Variants in MUC22 observed in about 807,000 individuals in gnomAD.
The protein encoded by MUC22 is mucin 22.
A neutral mutation model predicts 40.3 loss-of-function variants in MUC22; 24 were observed. That is an observed-to-expected ratio of 0.60 (90% CI 0.43 to 0.84). The LOEUF is 0.84. MUC22 is among the 40% of genes least tolerant of loss of function. The probability of loss-of-function intolerance (pLI) is 0.00; values close to 1 mark genes in which losing one functional copy is unlikely to be tolerated. For synonymous variants in MUC22, 765 were observed against 844.5 expected, an observed-to-expected ratio of 0.91 and a Z score of 1.63; for missense variants, 1,926 against 2,130.7, an observed-to-expected ratio of 0.90 and a Z score of 1.89.
At chr6:31,026,050 A>G (rs1765279821) in exon 2 of MUC22, 4 of 1,530,464 alleles carry the variant, frequency 2.6e-6, no homozygotes, top group African/African-American at 1.4e-5. Context: ...TGAGGCCACT[A>G]AAGTCTCTAC....
chr6:31,029,302 G>C (rs140778074), exon 2 of MUC22: 1 of 1,526,596 alleles, frequency 6.6e-7, no homozygotes, highest in Non-Finnish European at 8.8e-7. Context: ...AGTCACTACT[G>C]CAGGTTCTGA....
At position 31,022,619 on chromosome 6, in the gene MUC22, C is replaced by T. The variant is rs116867285; in HGVS notation, c.71-2883C>T. On this transcript the variant is annotated intron_variant, in intron 1 of 3. Coordinates refer to ENST00000561890, the Ensembl canonical transcript of MUC22. ...ACTTGAGTAATAATGAATTATGAGGCTTATATGTAGACATAAAATGTATGA... is the reference window on the plus strand; with the variant it reads ...ACTTGAGTAATAATGAATTATGAGGTTTATATGTAGACATAAAATGTATGA... 1.2e-3 allele frequency among the ~76,000 whole-genome samples: 185 copies of T among 151,648 alleles called. 2 individuals carry two copies. In the East Asian group the frequency reaches 0.022, roughly 18 times the overall value.
upstream of MUC22, among the ~76,000 whole-genome samples, chr6:31,009,019 G>A (rs532261609): frequency 6.6e-6 from 1 of 152,222 alleles, no homozygotes; most frequent in African/African-American, 2.4e-5. Flanking sequence ...TCTTTTCTGT[G>A]TGTGTTAGCA....
At chr6:31,017,827 C>T (rs9348848) in intron 1 of MUC22, among the ~76,000 whole-genome samples, 17,172 of 152,232 alleles carry the variant, frequency 0.11, 1,257 homozygotes, top group East Asian at 0.33. Context: ...CTGCCCTGAG[C>T]CAGCAGTGGC....
intron 1 of MUC22, among the ~76,000 whole-genome samples, chr6:31,021,894 A>AT (rs143461956): frequency 0.086 from 13,120 of 151,858 alleles, 677 homozygotes; most frequent in Middle Eastern, 0.17. Flanking sequence ...TTTGCAATAG[A>AT]TTTTGCTACT....
At chr6:31,033,687 G>C (rs1265995446) in intron 3 of MUC22, among the ~76,000 whole-genome samples, 1 of 152,196 alleles carries the variant, frequency 6.6e-6, no homozygotes, top group Non-Finnish European at 1.5e-5. Flanking sequence ...TCTGAGCTGA[G>C]TGATGTGACA....
chr6:31,017,509 G>T (rs1009745468), intron 1 of MUC22, among the ~76,000 whole-genome samples: 19 of 151,740 alleles, frequency 1.3e-4, no homozygotes, highest in African/African-American at 4.4e-4. Context: ...AGCTAATCTG[G>T]TGGGGACTTG....
At chr6:31,027,989 C>A in exon 2 of MUC22, 1 of 1,533,282 alleles carries the variant, frequency 6.5e-7, no homozygotes, top group South Asian at 1.2e-5. Flanking sequence ...ACTGCAGATT[C>A]TGAGAACACC....
At chr6:31,030,916 T>G (rs900361880) in intron 2 of MUC22, among the ~76,000 whole-genome samples, 1 of 152,198 alleles carries the variant, frequency 6.6e-6, no homozygotes, top group African/African-American at 2.4e-5. Context: ...GCTGCTTTTC[T>G]GCTTTTCCGT....
chr6:31,011,531 C>T lies in MUC22; in HGVS notation c.70+755C>T, dbSNP rs928165781. Among the ~76,000 whole-genome samples, 2 of 152,128 alleles carry T rather than the reference C, an allele frequency of 1.3e-5. No homozygotes were observed. Among genetic ancestry groups the T allele is most frequent in the African/African-American group, 4.8e-5 (2 of 41,408 alleles). On this transcript the variant is annotated intron_variant, in intron 1 of 3. Coordinates refer to ENST00000561890, the Ensembl canonical transcript of MUC22. This position sits in a 1 kb window ranked among gnomAD's most constrained non-coding sequence, Gnocchi z 4.5. ...CACTGCAAATGCCATTAATTCATTCCTTTTTATGGCTGAGTAGTATTCCAT... is the reference window on the plus strand; with the variant it reads ...CACTGCAAATGCCATTAATTCATTCTTTTTTATGGCTGAGTAGTATTCCAT...
rs1763843993 is a variant in MUC22 at position 31,011,141 on chromosome 6, AT to A, written c.70+367del. ...AACTCTAGTTCCAATAGCATTCTTA[AT>A]TCCAAATTAAAACCAGGATCTCAGT... is the stretch of plus-strand genomic sequence containing the variant. On this transcript the variant is annotated intron_variant, in intron 1 of 3. Coordinates refer to ENST00000561890, the Ensembl canonical transcript of MUC22. This position sits in a 1 kb window ranked among gnomAD's most constrained non-coding sequence, Gnocchi z 4.5. Among the ~76,000 whole-genome samples, 1 of 152,008 alleles carries A rather than the reference AT, an allele frequency of 6.6e-6. No individual in the cohort carries two copies. The highest frequency in any genetic ancestry group is 1.5e-5 in the Non-Finnish European group (1 of 67,996).
chr6:31,010,899 T>C, intron 1 of MUC22, 123 bp downstream of exon 1: 3 of 627,172 alleles, frequency 4.8e-6, no homozygotes, highest in African/African-American at 3.7e-5. Flanking sequence ...TCATTTTTTT[T>C]TTTTTTTTTT....
In MUC22 at chr6:31,027,751, G is replaced by A. The variant is rs1290735900; in HGVS notation, c.2320G>A (p.Glu774Lys). 2 of 1,530,724 alleles carry A rather than the reference G, an allele frequency of 1.3e-6. No individual in the cohort carries two copies. Among genetic ancestry groups the A allele is most frequent in the African/African-American group, 2.8e-5 (2 of 72,518 alleles). 94.8% of individuals were successfully genotyped at this position (1,530,724 alleles called of 1,614,324 possible). Reference sequence around the variant, plus strand: ...CACTGCAGTCTCTGCCACAGGCTCTGAGATGACCACAGTCTCTACTGAAGG... The same window carrying A: ...CACTGCAGTCTCTGCCACAGGCTCTAAGATGACCACAGTCTCTACTGAAGG... Residue 774 changes from glutamate (E) to lysine (K), a missense_variant, in exon 2 of 4, where the codon GAG (glutamate) becomes AAG (lysine). Coordinates refer to ENST00000561890, the Ensembl canonical transcript of MUC22.
At chr6:31,026,414 C>T (rs1413121183) in exon 2 of MUC22, 4 of 1,508,084 alleles carry the variant, frequency 2.7e-6, no homozygotes, top group African/African-American at 1.4e-5. Flanking sequence ...TCCGAGAACA[C>T]CACAGTCTCT....
At chr6:31,034,535 A>C (rs1286182259) in intron 3 of MUC22, 137 bp from the exon 4 acceptor site, 3 of 678,650 alleles carry the variant, frequency 4.4e-6, no homozygotes, top group Non-Finnish European at 7.3e-6. Context: ...AGATCATAGT[A>C]AGGATGGTGG....
In MUC22 at chr6:31,034,983, C is replaced by T. The variant is rs560553679; in HGVS notation, c.*45C>T. On this transcript the variant is annotated 3_prime_UTR_variant, in exon 4 of 4. Transcript: ENST00000561890. ...ACAGAGGGAGCCACCAAGGAGGCCA[C>T]GGCAGGACAAGATGGCTGTGGCCAT... 377 of 1,511,114 alleles carry T rather than the reference C, an allele frequency of 2.5e-4. 2 individuals are homozygous for T. Among genetic ancestry groups the T allele is most frequent in the African/African-American group, 1.9e-3 (138 of 72,626 alleles). 93.6% of individuals were successfully genotyped at this position (1,511,114 alleles called of 1,614,324 possible).
chr6:31,028,266 T>A, exon 2 of MUC22: 1 of 1,532,364 alleles, frequency 6.5e-7, no homozygotes, highest in Admixed American at 2.0e-5. Context: ...CTGGGACCAC[T>A]ACAGTCTCCA....
intron 1 of MUC22, among the ~76,000 whole-genome samples, chr6:31,022,189 A>AG (rs1764864865): frequency 6.6e-6 from 1 of 152,202 alleles, no homozygotes. Flanking sequence ...ACTCACTGTG[A>AG]GGGTCTGTGG....
upstream of MUC22, among the ~76,000 whole-genome samples, chr6:31,010,186 C>A (rs1763767150): frequency 1.3e-5 from 2 of 152,132 alleles, no homozygotes; most frequent in South Asian, 4.1e-4. Flanking sequence ...GAGGCATACC[C>A]AGGGAAAACA....
Sources: gnomAD v4.1 joint callset for allele counts (sites outside exome capture counted in the v4.1 genomes callset) on GRCh38, gnomAD v4.1.1 for gene constraint, Gnocchi (gnomAD v3.1) non-coding constraint, MANE v1.5 for transcripts, NCBI Gene and HGNC (gene_info 2026-07-23, HGNC 2026-07-21) for gene names.